The following MOV10L1 variants were observed in gnomAD, a reference collection of about 807,000 sequenced individuals.
The protein encoded by MOV10L1 is RNA helicase Mov10l1.
Under a neutral mutation model 143.8 loss-of-function variants are expected in MOV10L1, and 110 were observed. The ratio of observed to expected loss-of-function variants is 0.76; its 90% CI spans 0.66 to 0.90. The LOEUF (loss-of-function observed/expected upper bound fraction) is 0.90, where lower values mean the gene tolerates loss of function less well. Ranked by LOEUF, MOV10L1 falls within the 40% of genes least tolerant of loss-of-function variation. MOV10L1 has a pLI of 0.00. For missense variants in MOV10L1, 1,406 were observed against 1,526.8 expected, an observed-to-expected ratio of 0.92 and a Z score of 1.32; for synonymous variants, 593 against 581.1, an observed-to-expected ratio of 1.02 and a Z score of -0.29.
intron 9 of MOV10L1, among the ~76,000 whole-genome samples, chr22:50,118,572 G>C (rs890907847): frequency 1.3e-5 from 2 of 152,196 alleles, no homozygotes; most frequent in Admixed American, 6.5e-5. Context: ...GTGTCTCTCT[G>C]TGCTGGCTTT....
chr22:50,148,404 G>A (rs139338183), intron 19 of MOV10L1, among the ~76,000 whole-genome samples: 106 of 152,290 alleles, frequency 7.0e-4, no homozygotes, highest in Non-Finnish European at 1.3e-3. Context: ...CCTGCTCTCC[G>A]CTCAGTCCCA....
chr22:50,108,938 A>G (rs2061947736), intron 5 of MOV10L1, 94 bp downstream of exon 5: 2 of 1,245,278 alleles, frequency 1.6e-6, no homozygotes, highest in Non-Finnish European at 2.3e-6. Flanking sequence ...TGAGGTTGGG[A>G]GTTCAAGACC....
chr22:50,094,972 C>A (rs1169307067), intron 2 of MOV10L1: 1 of 152,090 alleles, frequency 6.6e-6, no homozygotes, highest in African/African-American at 2.4e-5. Context: ...ACCTGGAGTC[C>A]CAGCACTCGG....
intron 8 of MOV10L1, among the ~76,000 whole-genome samples, chr22:50,115,672 G>A (rs1157355249): frequency 6.6e-6 from 1 of 152,188 alleles, no homozygotes; most frequent in Non-Finnish European, 1.5e-5. Flanking sequence ...AACTTCGCAC[G>A]ACTCATGAGG....
intron 18 of MOV10L1, among the ~76,000 whole-genome samples, chr22:50,144,790 C>T (rs2063098597): frequency 2.0e-5 from 3 of 151,930 alleles, no homozygotes; most frequent in South Asian, 2.1e-4. Context: ...ACCGTGTTAG[C>T]CAGGATGGTC....
chr22:50,159,300 T>G lies in MOV10L1; in HGVS notation c.3217-378T>G, dbSNP rs1246211761. 1 of 156,896 alleles carries G rather than the reference T, an allele frequency of 6.4e-6. No individual in the cohort carries two copies. The highest frequency in any genetic ancestry group is 2.4e-5 in the African/African-American group (1 of 41,530). The allele number at this position is 156,896 out of a possible 1,614,324, so 9.7% of individuals were successfully genotyped here. On this transcript the variant is annotated intron_variant, in intron 23 of 26. Coordinates refer to ENST00000262794, the MANE Select transcript of MOV10L1 (RefSeq NM_018995.3). The surrounding 1 kb of genome is among the most constrained non-coding windows in gnomAD (Gnocchi z 4.1). ...AATATTTGGTTTATGCTGTGATGTG[T>G]AAAGAGATGGATTTGTACATGTCGG...
In MOV10L1 at chr22:50,114,593, G is replaced by C. The variant is rs1047546987; in HGVS notation, c.1097G>C (p.Ser366Thr). The change falls in exon 7 of 27, where the codon AGT (serine) becomes ACT (threonine). Residue 366 changes from serine to threonine, a missense_variant. Physicochemically the swap from Ser to Thr is moderately conservative, Grantham distance 58 (BLOSUM62 1). Coordinates refer to ENST00000262794, the MANE Select transcript of MOV10L1 (RefSeq NM_018995.3). ...KNKTSQMSES[S>T]LVNNRGISPG... ...AAAACCTCTCAGATGTCGGAGAGCA[G>C]TTTGGTGAACAACAGAGGAATCTCT... The C allele has an allele frequency of 6.2e-7, 1 of 1,614,130 alleles. No homozygotes were observed.
intron 3 of MOV10L1, among the ~76,000 whole-genome samples, chr22:50,105,258 T>A (rs2061839835): frequency 6.6e-6 from 1 of 152,240 alleles, no homozygotes; most frequent in Admixed American, 6.5e-5. Context: ...TCTTTTTGCA[T>A]CAATTCAGAG....
At chr22:50,111,486 CTTTTTTT>C (rs529438045) in intron 5 of MOV10L1, among the ~76,000 whole-genome samples, 12 of 59,146 alleles carry the variant, frequency 2.0e-4, no homozygotes, top group Non-Finnish European at 3.2e-4. Context: ...TCTGTCTTTG[CTTTTTTT>C]TTTTTTTTTT....
intron 3 of MOV10L1, among the ~76,000 whole-genome samples, chr22:50,104,155 A>G (rs924394548): frequency 6.6e-6 from 1 of 152,106 alleles, no homozygotes; most frequent in East Asian, 1.9e-4. Context: ...AGAATCTACT[A>G]CCCCTGCTGA....
At position 50,149,642 on chromosome 22, in the gene MOV10L1, G is replaced by A; in HGVS notation, c.2655G>A (p.Val885=). 1 of 1,614,140 alleles carries A rather than the reference G, an allele frequency of 6.2e-7. No individual in the cohort carries two copies. The highest frequency in any genetic ancestry group is 1.7e-5 in the Admixed American group (1 of 60,014). The part of the protein sequence containing the change: ...VRVGHFTHVF[V]DEAGQASEPE... Reference sequence around the variant, plus strand: ...TTGGGCACTTCACTCACGTGTTTGTGGACGAGGCTGGGCAGGCAAGTGAGC... The same window carrying A: ...TTGGGCACTTCACTCACGTGTTTGTAGACGAGGCTGGGCAGGCAAGTGAGC... Residue 885 remains valine (V), a synonymous_variant, in exon 20 of 27, where the codon GTG becomes GTA. Coordinates refer to ENST00000262794, the MANE Select transcript of MOV10L1 (RefSeq NM_018995.3).
Position 50,158,473 on chromosome 22 carries a change from A to C in MOV10L1, c.3216+267A>C. 1 of 434,304 alleles carries C rather than the reference A, an allele frequency of 2.3e-6. No individual in the cohort carries two copies. Among genetic ancestry groups the C allele is most frequent in the South Asian group, 3.4e-5 (1 of 29,126 alleles). The allele number at this position is 434,304 out of a possible 1,614,324, so 26.9% of individuals were successfully genotyped here. Reference sequence around the variant, plus strand: ...TGGTTACATTTATATGTCCCTTGATATTTGGCCCTTTGGGAAAACATTTGC... The same window carrying C: ...TGGTTACATTTATATGTCCCTTGATCTTTGGCCCTTTGGGAAAACATTTGC... On this transcript the variant is annotated intron_variant, in intron 23 of 26. Transcript: ENST00000262794. The surrounding 1 kb of genome is among the most constrained non-coding windows in gnomAD (Gnocchi z 5.0).
At chr22:50,113,391 G>A (rs1428305304) in intron 5 of MOV10L1, among the ~76,000 whole-genome samples, 3 of 152,190 alleles carry the variant, frequency 2.0e-5, no homozygotes, top group African/African-American at 7.2e-5. Flanking sequence ...TGGGGAGCAC[G>A]TTCAGGACAC....
chr22:50,146,338 G>A (rs2063152218), intron 19 of MOV10L1, among the ~76,000 whole-genome samples: 1 of 152,058 alleles, frequency 6.6e-6, no homozygotes, highest in African/African-American at 2.4e-5. Context: ...GCTCTTCAGG[G>A]GAGACAGGCG....
rs953515661 is a variant in MOV10L1, at chr22:50,117,927, C to T, written c.1454+576C>T. ...CGTGTTCTCTTCTGTAGTTATAAAACGAAAAAGCCCTGAATAGCAGGCTTT... is the reference window on the plus strand; with the variant it reads ...CGTGTTCTCTTCTGTAGTTATAAAATGAAAAAGCCCTGAATAGCAGGCTTT... On this transcript the variant is annotated intron_variant, in intron 9 of 26. Coordinates refer to ENST00000262794, the MANE Select transcript of MOV10L1 (RefSeq NM_018995.3). Among the ~76,000 whole-genome samples, 16 of 152,212 alleles carry T rather than the reference C, an allele frequency of 1.1e-4. No individual in the cohort carries two copies. The South Asian group carries it at 1.5e-3, about 14-fold the overall frequency.
intron 22 of MOV10L1, among the ~76,000 whole-genome samples, chr22:50,155,715 C>T (rs2063409460): frequency 6.6e-6 from 1 of 152,210 alleles, no homozygotes; most frequent in African/African-American, 2.4e-5. Flanking sequence ...ACGTCATGAT[C>T]TGCCCGCCTT....
At position 50,159,895 on chromosome 22, in the gene MOV10L1, C is replaced by T; in HGVS notation, c.3324+110C>T. 2 of 707,382 alleles carry T rather than the reference C, an allele frequency of 2.8e-6. No individual in the cohort carries two copies. The highest frequency in any genetic ancestry group is 4.8e-6 in the Non-Finnish European group (2 of 413,880). 43.8% of individuals were successfully genotyped at this position (707,382 alleles called of 1,614,324 possible). ...GAGGCTGATTCCCAGCCCAGAGAAG[C>T]AGCTGCAGGCGGAGACTCCCTAGGT... On this transcript the variant is annotated intron_variant, in intron 24 of 26. Coordinates refer to ENST00000262794, the MANE Select transcript of MOV10L1 (RefSeq NM_018995.3). The surrounding 1 kb of genome is among the most constrained non-coding windows in gnomAD (Gnocchi z 4.1).
intron 2 of MOV10L1, 107 bp downstream of exon 2, chr22:50,092,292 T>G (rs1468319433): frequency 2.0e-6 from 2 of 986,648 alleles, no homozygotes; most frequent in Non-Finnish European, 3.0e-6. Context: ...GGAGAAAGAG[T>G]GGAATGTACC....
chr22:50,123,562 C>T (rs889159766), intron 10 of MOV10L1, among the ~76,000 whole-genome samples: 2 of 152,140 alleles, frequency 1.3e-5, no homozygotes, highest in African/African-American at 4.8e-5. Flanking sequence ...ATTTTGTGTG[C>T]TAGTATCGTG....
Sources: gnomAD v4.1 joint callset for allele counts (sites outside exome capture counted in the v4.1 genomes callset) on GRCh38, gnomAD v4.1.1 for gene constraint, Gnocchi (gnomAD v3.1) non-coding constraint, MANE v1.5 for transcripts, NCBI Gene and HGNC (gene_info 2026-07-23, HGNC 2026-07-21) for gene names.